The following GAS2 variants were observed in gnomAD, a reference collection of about 807,000 sequenced individuals.
GAS2 encodes growth arrest specific 2, also known as growth arrest-specific protein 2.
GAS2 carries 20 observed loss-of-function variants against 37.5 expected under a neutral mutation model. The ratio of observed to expected loss-of-function variants is 0.53; its 90% CI spans 0.37 to 0.77. The LOEUF (loss-of-function observed/expected upper bound fraction) is 0.77, where lower values mean the gene tolerates loss of function less well. GAS2 is among the 30% of genes least tolerant of loss of function. GAS2 has a pLI of 0.00. For missense variants in GAS2, 336 were observed against 373.4 expected, an observed-to-expected ratio of 0.90 and a Z score of 0.82; for synonymous variants, 144 against 132.2, an observed-to-expected ratio of 1.09 and a Z score of -0.61.
intron 1 of GAS2, among the ~76,000 whole-genome samples, chr11:22,660,108 C>T (rs112584318): frequency 2.0e-5 from 3 of 152,182 alleles, no homozygotes; most frequent in African/African-American, 7.2e-5. Flanking sequence ...TTTTTAAAAA[C>T]CATTTTTGCT....
intron 2 of GAS2, among the ~76,000 whole-genome samples, chr11:22,685,263 A>T (rs530457884): frequency 5.3e-5 from 8 of 152,212 alleles, no homozygotes; most frequent in Non-Finnish European, 2.9e-5. Flanking sequence ...TGTGGGTCAA[A>T]GTAATTGAAT....
At chr11:22,673,016 T>C (rs955833836) in intron 1 of GAS2, among the ~76,000 whole-genome samples, 1 of 152,156 alleles carries the variant, frequency 6.6e-6, no homozygotes, top group Non-Finnish European at 1.5e-5. Context: ...AATGGTTGAC[T>C]TTAGATAGAT....
At chr11:22,643,196 T>A (rs547907688) in intron 1 of GAS2, among the ~76,000 whole-genome samples, 1 of 152,126 alleles carries the variant, frequency 6.6e-6, no homozygotes, top group African/African-American at 2.4e-5. Flanking sequence ...GTTCAAAGTC[T>A]ACCAGACAAC....
intron 1 of GAS2, among the ~76,000 whole-genome samples, chr11:22,641,044 T>C (rs1272759043): frequency 6.6e-6 from 1 of 151,544 alleles, no homozygotes; most frequent in Non-Finnish European, 1.5e-5. Flanking sequence ...AACTGAGCTT[T>C]ACTGACTGTT....
chr11:22,685,652 C>A lies in GAS2; in HGVS notation c.146-16C>A, dbSNP rs1318264523. Reference sequence around the variant, plus strand: ...ATTTGATTTTCCTTTTATAATGCTTCTTTTTGTTATTTCAGGGAAGGAGAT... The same window carrying A: ...ATTTGATTTTCCTTTTATAATGCTTATTTTTGTTATTTCAGGGAAGGAGAT... On this transcript the variant is annotated splice_polypyrimidine_tract_variant and intron_variant, in intron 2 of 7. Coordinates refer to ENST00000454584, the MANE Select transcript of GAS2 (RefSeq NM_001143830.3). The A allele has an allele frequency of 6.2e-7, 1 of 1,606,470 alleles. No individual in the cohort carries two copies. The highest frequency in any genetic ancestry group is 1.1e-5 in the South Asian group (1 of 89,060).
rs11026709 is a variant in GAS2 at position 22,639,868 on chromosome 11, C to T, written c.-21+14055C>T. 4.3e-3 allele frequency among the ~76,000 whole-genome samples: 656 copies of T among 152,198 alleles called. 16 individuals carry two copies. The East Asian group carries it at 0.077, about 18-fold the overall frequency. ...GGGTTACAAGTGTATGCCTGAGATA[C>T]CGATCTCCTTTGCCTTTGGGGCATA... On this transcript the variant is annotated intron_variant, in intron 1 of 5. Coordinates refer to the GAS2 transcript ENST00000528582.
At chr11:22,668,924 G>A (rs1849093630) in intron 1 of GAS2, among the ~76,000 whole-genome samples, 1 of 152,116 alleles carries the variant, frequency 6.6e-6, no homozygotes, top group Non-Finnish European at 1.5e-5. Flanking sequence ...CAACTAGGAA[G>A]GTTTCCACTC....
At chr11:22,780,284 C>G (rs944048813) in intron 7 of GAS2, among the ~76,000 whole-genome samples, 1 of 152,090 alleles carries the variant, frequency 6.6e-6, no homozygotes, top group African/African-American at 2.4e-5. Context: ...ATCACGAGGT[C>G]AGGAGATCGA....
intron 1 of GAS2, among the ~76,000 whole-genome samples, chr11:22,645,001 T>C (rs1848672977): frequency 6.6e-6 from 1 of 152,204 alleles, no homozygotes; most frequent in South Asian, 2.1e-4. Flanking sequence ...TTCTATCTTA[T>C]TGATGCTGTA....
At chr11:22,668,543 T>C (rs1163749396) in intron 1 of GAS2, among the ~76,000 whole-genome samples, 2 of 136,912 alleles carry the variant, frequency 1.5e-5, no homozygotes, top group South Asian at 2.3e-4. Flanking sequence ...GGAAATAAGT[T>C]CACATGGCAA....
chr11:22,648,859 C>A, intron 1 of GAS2, among the ~76,000 whole-genome samples: 1 of 152,128 alleles, frequency 6.6e-6, no homozygotes, highest in Non-Finnish European at 1.5e-5. Flanking sequence ...ATGTCGTCTA[C>A]AAACAGGGAC....
intron 1 of GAS2, among the ~76,000 whole-genome samples, chr11:22,656,673 G>T (rs1279530006): frequency 1.3e-5 from 2 of 152,178 alleles, no homozygotes; most frequent in Non-Finnish European, 2.9e-5. Context: ...ACTATAAGAT[G>T]TATGAGCTGG....
intron 2 of GAS2, among the ~76,000 whole-genome samples, chr11:22,676,135 C>A (rs1849416970): frequency 6.6e-6 from 1 of 151,914 alleles, no homozygotes; most frequent in South Asian, 2.1e-4. Flanking sequence ...TAAATTGTAC[C>A]CTTCACCAAC....
At chr11:22,771,238 C>A (rs1027683108) in intron 7 of GAS2, among the ~76,000 whole-genome samples, 10 of 151,974 alleles carry the variant, frequency 6.6e-5, no homozygotes, top group Middle Eastern at 3.2e-3. Flanking sequence ...TAGTGTAATT[C>A]TTGTGCTCCA....
chr11:22,805,583 A>G (rs559073084), intron 7 of GAS2, among the ~76,000 whole-genome samples: 7 of 152,182 alleles, frequency 4.6e-5, no homozygotes, highest in African/African-American at 7.2e-5. Flanking sequence ...CTCTACTTCT[A>G]TGAGATCAAC....
At chr11:22,645,780 T>A (rs1301521295) in intron 1 of GAS2, among the ~76,000 whole-genome samples, 1 of 151,874 alleles carries the variant, frequency 6.6e-6, no homozygotes, top group Non-Finnish European at 1.5e-5. Context: ...CAGATAAAGT[T>A]TTCTGACTTG....
At chr11:22,649,874 G>A (rs1053828830) in intron 1 of GAS2, among the ~76,000 whole-genome samples, 25 of 151,682 alleles carry the variant, frequency 1.6e-4, no homozygotes, top group African/African-American at 5.6e-4. Flanking sequence ...ACCAGCTCCT[G>A]GATTCATTAA....
At chr11:22,670,157 C>G (rs982246532) in intron 1 of GAS2, among the ~76,000 whole-genome samples, 3 of 152,032 alleles carry the variant, frequency 2.0e-5, no homozygotes, top group African/African-American at 7.2e-5. Flanking sequence ...AAACTATTTC[C>G]TCAGTGTTTG....
At chr11:22,657,410 C>G (rs920928628) in intron 1 of GAS2, among the ~76,000 whole-genome samples, 1 of 152,074 alleles carries the variant, frequency 6.6e-6, no homozygotes, top group Non-Finnish European at 1.5e-5. Flanking sequence ...GGGTCTCTCC[C>G]TAGTTGTTTA....
Sources: allele counts gnomAD v4.1 joint callset (sites outside exome capture counted in the v4.1 genomes callset), GRCh38; gene constraint gnomAD v4.1.1; transcripts MANE v1.5; gene names NCBI Gene and HGNC (gene_info 2026-07-23, HGNC 2026-07-21).